The following PHF21A variants were observed in gnomAD, a reference collection of about 807,000 sequenced individuals.
The protein encoded by PHF21A is BHC80a.
PHF21A carries 11 observed loss-of-function variants against 82.5 expected under a neutral mutation model. That is an observed-to-expected ratio of 0.13 (90% CI 0.08 to 0.22). The LOEUF (loss-of-function observed/expected upper bound fraction) is 0.22. Ranked by LOEUF, PHF21A falls within the 10% of genes least tolerant of loss-of-function variation. The pLI is 1.00. For missense variants in PHF21A, 579 were observed against 837.8 expected, an observed-to-expected ratio of 0.69 and a Z score of 3.81; for synonymous variants, 297 against 302.8, an observed-to-expected ratio of 0.98 and a Z score of 0.20.
chr11:45,978,819 G>C (rs1320403092), intron 7 of PHF21A, among the ~76,000 whole-genome samples: 2 of 151,962 alleles, frequency 1.3e-5, no homozygotes, highest in African/African-American at 4.8e-5. Flanking sequence ...TTCTTAAATT[G>C]TATGCTTGTT....
intron 10 of PHF21A, among the ~76,000 whole-genome samples, chr11:45,963,417 T>C (rs1353801269): frequency 8.5e-6 from 1 of 117,974 alleles, no homozygotes; most frequent in Non-Finnish European, 1.7e-5. Flanking sequence ...TAAAACTCTG[T>C]GTCAAAAAAA....
At chr11:45,982,059 C>T (rs1019640171) in intron 6 of PHF21A, among the ~76,000 whole-genome samples, 2 of 149,820 alleles carry the variant, frequency 1.3e-5, no homozygotes, top group Non-Finnish European at 2.9e-5. Context: ...CAGGCTCAAG[C>T]GATCCTGTCA....
At chr11:46,060,723 T>C (rs2096525339) in intron 6 of PHF21A, among the ~76,000 whole-genome samples, 2 of 152,352 alleles carry the variant, frequency 1.3e-5, no homozygotes, top group African/African-American at 4.8e-5. Context: ...TATTAGACCT[T>C]TGTCAGATGC....
At chr11:45,955,503 G>C (rs1400697740) in intron 10 of PHF21A, among the ~76,000 whole-genome samples, 1 of 152,182 alleles carries the variant, frequency 6.6e-6, no homozygotes, top group Non-Finnish European at 1.5e-5. Flanking sequence ...TTCCAAGGCT[G>C]TGTGAAGTCT....
intron 6 of PHF21A, among the ~76,000 whole-genome samples, chr11:46,062,175 G>A (rs1231257707): frequency 6.6e-6 from 1 of 151,980 alleles, no homozygotes; most frequent in Admixed American, 6.6e-5. Context: ...CTTGGTATGA[G>A]GGTGTGGGGT....
intron 3 of PHF21A, among the ~76,000 whole-genome samples, chr11:46,087,928 G>A (rs1317767341): frequency 6.6e-6 from 1 of 151,970 alleles, no homozygotes; most frequent in Admixed American, 6.6e-5. Context: ...GCTAATTTTT[G>A]TATTTTTTTG....
chr11:46,055,489 G>A (rs2096439769), intron 6 of PHF21A, among the ~76,000 whole-genome samples: 1 of 152,174 alleles, frequency 6.6e-6, no homozygotes, highest in Non-Finnish European at 1.5e-5. Context: ...AAACCAGTGA[G>A]TCAGTTGAGA....
rs2093731938 is a variant in PHF21A, at chr11:45,971,358, T to C, written c.370A>G (p.Thr124Ala). 5 of 1,613,780 alleles carry C rather than the reference T, an allele frequency of 3.1e-6. No individual in the cohort carries two copies. The highest frequency in any genetic ancestry group is 1.1e-5 in the South Asian group (1 of 91,074). ...PNLTASQKTV[T>A]TASMITTKTL... Reference sequence around the variant, plus strand: ...TTTGTGGTAATCATAGAAGCTGTAGTTACAGTCTTCTAGGAGACAGGGAAA... The same window carrying C: ...TTTGTGGTAATCATAGAAGCTGTAGCTACAGTCTTCTAGGAGACAGGGAAA... The change falls in exon 8 of 19, where the codon ACT (threonine) becomes GCT (alanine). Residue 124 changes from threonine (T) to alanine (A), a missense_variant. Around this residue, in one of 3 missense-constraint regions of PHF21A, gnomAD observed 410 missense variants for 642.1 expected, o/e 0.64. Transcript: ENST00000676320.
chr11:46,108,265 G>T (rs2097173505), intron 1 of PHF21A, among the ~76,000 whole-genome samples: 1 of 151,918 alleles, frequency 6.6e-6, no homozygotes, highest in African/African-American at 2.4e-5. Flanking sequence ...ATTCAGAAAT[G>T]ATGCCTCCTA....
intron 10 of PHF21A, among the ~76,000 whole-genome samples, chr11:45,959,098 G>T (rs1447762605): frequency 2.0e-5 from 3 of 152,014 alleles, no homozygotes; most frequent in African/African-American, 4.8e-5. Flanking sequence ...GTGGAAGGGT[G>T]GTTCAATGTA....
At chr11:46,013,208 G>A (rs2095444969) in intron 6 of PHF21A, among the ~76,000 whole-genome samples, 1 of 152,130 alleles carries the variant, frequency 6.6e-6, no homozygotes, top group Non-Finnish European at 1.5e-5. Flanking sequence ...CTATAATAAT[G>A]TGAGATGAGT....
At chr11:46,032,966 C>A (rs1415701327) in intron 6 of PHF21A, among the ~76,000 whole-genome samples, 1 of 152,100 alleles carries the variant, frequency 6.6e-6, no homozygotes, top group Non-Finnish European at 1.5e-5. Context: ...ACCTCTGAAT[C>A]CCTAAGAGCC....
Position 46,084,299 on chromosome 11 carries a change from G to T in PHF21A, c.-80C>A. 2 of 962,650 alleles carry T rather than the reference G, an allele frequency of 2.1e-6. No individual in the cohort carries two copies. Among genetic ancestry groups the T allele is most frequent in the Non-Finnish European group, 3.1e-6 (2 of 635,392 alleles). 59.6% of individuals were successfully genotyped at this position (962,650 alleles called of 1,614,324 possible). On this transcript the variant is annotated 5_prime_UTR_variant, in exon 4 of 19. Coordinates refer to ENST00000676320, the MANE Select transcript of PHF21A (RefSeq NM_001352027.3). ...AAAGTAACAAACTCCTCTTCTCACT[G>T]CAGCTGTAAAGATCATAAAATGTTT... is the stretch of plus-strand genomic sequence containing the variant.
In PHF21A at chr11:45,932,744, AT is replaced by A. The variant is rs1166981538; in HGVS notation, c.*1223del. ...AAGTTTTTTTTCCCCAGATACAAAG[AT>A]TTTTGCCCTTGCATAAAAAAACAGT... On this transcript the variant is annotated 3_prime_UTR_variant, in exon 19 of 19. Transcript: ENST00000676320. The surrounding 1 kb of genome is among the most constrained non-coding windows in gnomAD (Gnocchi z 4.3). The A allele has an allele frequency of 2.0e-5, 3 of 152,468 alleles. No individual in the cohort carries two copies. The highest frequency in any genetic ancestry group is 4.4e-5 in the Non-Finnish European group (3 of 68,014). 9.4% of individuals were successfully genotyped at this position (152,468 alleles called of 1,614,324 possible).
chr11:46,000,418 C>T (rs1043159930), intron 6 of PHF21A, among the ~76,000 whole-genome samples: 1 of 152,132 alleles, frequency 6.6e-6, no homozygotes, highest in Non-Finnish European at 1.5e-5. Context: ...CTGAAAATGA[C>T]CATTAGCTGC....
At chr11:45,990,334 C>A (rs1225613258) in intron 6 of PHF21A, among the ~76,000 whole-genome samples, 2 of 137,240 alleles carry the variant, frequency 1.5e-5, no homozygotes, top group South Asian at 5.0e-4. Flanking sequence ...TCTGGGCTCA[C>A]TGCAGCCTTG....
intron 1 of PHF21A, among the ~76,000 whole-genome samples, chr11:46,099,936 T>A (rs529842962): frequency 5.3e-5 from 8 of 152,284 alleles, no homozygotes; most frequent in Admixed American, 2.0e-4. Context: ...TTACATTTTT[T>A]AAAAAATCTT....
intron 6 of PHF21A, among the ~76,000 whole-genome samples, chr11:46,011,819 CTT>C (rs922904595): frequency 3.9e-5 from 6 of 152,224 alleles, no homozygotes; most frequent in African/African-American, 1.2e-4. Flanking sequence ...AAAAATCACT[CTT>C]AACTCTTACC....
At chr11:45,938,483 T>C (rs1422038874) in intron 15 of PHF21A, among the ~76,000 whole-genome samples, 171 bp from the exon 16 acceptor site, 1 of 152,174 alleles carries the variant, frequency 6.6e-6, no homozygotes. Flanking sequence ...TCACTCCACA[T>C]AGCTAAGGCT....
Sources: allele counts gnomAD v4.1 joint callset (sites outside exome capture counted in the v4.1 genomes callset), GRCh38; gene constraint gnomAD v4.1.1; regional missense constraint gnomAD v4.1.1; non-coding constraint Gnocchi (gnomAD v3.1); transcripts MANE v1.5; gene names NCBI Gene and HGNC (gene_info 2026-07-23, HGNC 2026-07-21).